The following FSTL4 variants were observed in gnomAD, a reference collection of about 807,000 sequenced individuals.
FSTL4 encodes follistatin-related protein 4.
A neutral mutation model predicts 78.2 loss-of-function variants in FSTL4; 28 were observed. The observed-to-expected ratio is 0.36, with a 90% CI of 0.27 to 0.49. FSTL4 has a LOEUF of 0.49. Ranked by LOEUF, FSTL4 falls within the 20% of genes least tolerant of loss-of-function variation. The probability of loss-of-function intolerance (pLI) is 0.98; values close to 1 mark genes in which losing one functional copy is unlikely to be tolerated. For synonymous variants in FSTL4, 422 were observed against 440.5 expected, an observed-to-expected ratio of 0.96 and a Z score of 0.53; for missense variants, 922 against 1,084.9, an observed-to-expected ratio of 0.85 and a Z score of 2.11.
intron 11 of FSTL4, among the ~76,000 whole-genome samples, chr5:133,223,867 A>G (rs555284352): frequency 1.2e-3 from 188 of 152,328 alleles, no homozygotes; most frequent in African/African-American, 4.5e-3. Context: ...AAGATAGGCA[A>G]AACACTAAAC....
In FSTL4 at chr5:133,338,197, A is replaced by ACTGGCC. The variant is rs1377518353; in HGVS notation, c.410-21551_410-21546dup. 5.9e-5 allele frequency among the ~76,000 whole-genome samples: 9 copies of ACTGGCC among 152,158 alleles called. No individual in the cohort carries two copies. Among genetic ancestry groups the ACTGGCC allele is most frequent in the Admixed American group, 5.9e-4 (9 of 15,280 alleles). ...TGTTTCTAGATGACTCGGGTCACTCACTGGCCCTGGCCCTGATGACCCCCC... is the reference window on the plus strand; with the variant it reads ...TGTTTCTAGATGACTCGGGTCACTCACTGGCCCTGGCCCTGGCCCTGATGACCCCCC... On this transcript the variant is annotated intron_variant, in intron 4 of 15. Transcript: ENST00000265342. The surrounding 1 kb of genome is among the most constrained non-coding windows in gnomAD (Gnocchi z 4.0).
At chr5:133,204,016 T>G (rs777341947) in intron 14 of FSTL4, among the ~76,000 whole-genome samples, 5 of 152,208 alleles carry the variant, frequency 3.3e-5, no homozygotes, top group Non-Finnish European at 7.3e-5. Flanking sequence ...CCGTATGGGC[T>G]TGGTACAGGA....
chr5:133,764,062 G>C, the FSTL4 span, among the ~76,000 whole-genome samples: 81 of 152,358 alleles, frequency 5.3e-4, 1 homozygote, highest in African/African-American at 1.9e-3. Flanking sequence ...AGAGGTAACT[G>C]TTCAGAGAGT....
At chr5:133,814,309 G>A in the FSTL4 span, among the ~76,000 whole-genome samples, 1 of 152,202 alleles carries the variant, frequency 6.6e-6, no homozygotes, top group Non-Finnish European at 1.5e-5. Flanking sequence ...GAAGCCACGT[G>A]GAATGTGAAA....
intron 3 of FSTL4, among the ~76,000 whole-genome samples, chr5:133,448,746 G>GGC (rs1757319929): frequency 6.8e-6 from 1 of 147,628 alleles, no homozygotes; most frequent in African/African-American, 2.5e-5. Context: ...GGGCGGGGGG[G>GGC]GGGGGCGCTC....
At chr5:133,376,499 T>G (rs562470381) in intron 4 of FSTL4, among the ~76,000 whole-genome samples, 1 of 152,270 alleles carries the variant, frequency 6.6e-6, no homozygotes, top group South Asian at 2.1e-4. Flanking sequence ...AGACATGCTC[T>G]TCAGAGAAAT....
chr5:133,234,834 C>T (rs1263973538), intron 7 of FSTL4, among the ~76,000 whole-genome samples: 2 of 152,122 alleles, frequency 1.3e-5, no homozygotes, highest in Non-Finnish European at 1.5e-5. Flanking sequence ...TTGGGAGATC[C>T]GGTGAGAAAA....
intron 7 of FSTL4, among the ~76,000 whole-genome samples, chr5:133,240,670 C>T (rs1205208336): frequency 4.6e-5 from 7 of 152,084 alleles, no homozygotes; most frequent in Non-Finnish European, 1.0e-4. Flanking sequence ...TCTCTTAGCG[C>T]ATGACTCATC....
chr5:133,480,601 G>A (rs1050354485), intron 3 of FSTL4, among the ~76,000 whole-genome samples: 1 of 152,122 alleles, frequency 6.6e-6, no homozygotes, highest in East Asian at 2.0e-4. Flanking sequence ...TGTGGGCCCA[G>A]CTCCTGGAGA....
At chr5:133,549,993 G>T (rs1279783391) in intron 3 of FSTL4, among the ~76,000 whole-genome samples, 1 of 152,170 alleles carries the variant, frequency 6.6e-6, no homozygotes. Context: ...CTAACAGACT[G>T]ATCTGCCCTA....
In FSTL4 at chr5:133,200,721, A is replaced by T. The variant is rs147669315; in HGVS notation, c.1827-924T>A. On this transcript the variant is annotated intron_variant, in intron 15 of 15. Coordinates refer to ENST00000265342, the MANE Select transcript of FSTL4 (RefSeq NM_015082.2). ...GCCTGTGCCTAAATCCCTTGCTCAC[A>T]GAGGCCTTTTGGTGCTGTGTACACC... Among the ~76,000 whole-genome samples, 335 of 152,314 alleles carry T rather than the reference A, an allele frequency of 2.2e-3. 1 individual carries two copies. Among genetic ancestry groups the T allele is most frequent in the Non-Finnish European group, 3.9e-3 (267 of 68,016 alleles).
chr5:133,317,552 A>T (rs983130109), intron 4 of FSTL4, among the ~76,000 whole-genome samples: 1 of 152,216 alleles, frequency 6.6e-6, no homozygotes, highest in Non-Finnish European at 1.5e-5. Flanking sequence ...GGGTTGCTGG[A>T]GCCTGGGGCT....
At chr5:133,286,705 G>A (rs1753137945) in intron 6 of FSTL4, among the ~76,000 whole-genome samples, 2 of 152,190 alleles carry the variant, frequency 1.3e-5, no homozygotes, top group African/African-American at 4.8e-5. Context: ...CCTGGAGGAG[G>A]TGGCATCTGA....
intron 2 of FSTL4, among the ~76,000 whole-genome samples, chr5:133,594,637 G>A (rs940629628): frequency 1.6e-4 from 25 of 152,308 alleles, no homozygotes; most frequent in Non-Finnish European, 2.8e-4. Context: ...GGCCTCTCCC[G>A]TTTGACACCT....
chr5:133,606,112 C>A (rs1760971427), intron 1 of FSTL4, among the ~76,000 whole-genome samples: 1 of 152,164 alleles, frequency 6.6e-6, no homozygotes, highest in Admixed American at 6.5e-5. Flanking sequence ...CTTCCCCTAA[C>A]TGCAACCTGT....
intron 4 of FSTL4, among the ~76,000 whole-genome samples, chr5:133,395,995 G>C (rs1010062965): frequency 6.6e-6 from 1 of 152,126 alleles, no homozygotes; most frequent in Non-Finnish European, 1.5e-5. Context: ...ACATCTCTTA[G>C]CAAGACAGAG....
At chr5:133,721,873 C>A in the FSTL4 span, among the ~76,000 whole-genome samples, 716 of 152,206 alleles carry the variant, frequency 4.7e-3, 8 homozygotes, top group African/African-American at 0.016. Flanking sequence ...AGTTTTGTGT[C>A]CCTTTCTCTG....
the FSTL4 span, among the ~76,000 whole-genome samples, chr5:133,795,099 G>A: frequency 3.3e-5 from 5 of 152,382 alleles, no homozygotes; most frequent in South Asian, 1.0e-3. Context: ...AGCTGCAGGT[G>A]ATTGGGGATG....
intron 6 of FSTL4, among the ~76,000 whole-genome samples, chr5:133,272,267 A>G (rs1236697360): frequency 1.3e-5 from 2 of 152,256 alleles, no homozygotes; most frequent in Non-Finnish European, 2.9e-5. Context: ...GCCAACAACC[A>G]AAGGAATGAG....
Sources: gnomAD v4.1 joint callset for allele counts (sites outside exome capture counted in the v4.1 genomes callset) on GRCh38, gnomAD v4.1.1 for gene constraint, Gnocchi (gnomAD v3.1) non-coding constraint, MANE v1.5 for transcripts, NCBI Gene and HGNC (gene_info 2026-07-23, HGNC 2026-07-21) for gene names.